CDH3: variants seen among roughly 807,000 people sequenced by gnomAD.
CDH3 encodes cadherin 3, also known as cadherin-3.
A neutral mutation model predicts 82.0 loss-of-function variants in CDH3; 54 were observed. The observed-to-expected ratio is 0.66, with a 90% CI of 0.53 to 0.83. The LOEUF (loss-of-function observed/expected upper bound fraction) is 0.83, where lower values mean the gene tolerates loss of function less well. Among genes scored for constraint, CDH3 ranks in the 40% least tolerant of loss-of-function variants. CDH3 has a pLI of 0.00. For missense variants in CDH3, 1,054 were observed against 1,084.6 expected (o/e 0.97, Z 0.40); for synonymous variants, 446 against 437.9 (o/e 1.02, Z -0.23).
chr16:68,699,704 C>A lies in CDH3; in HGVS notation c.*1304C>A, dbSNP rs11644746. 0.49 allele frequency: 74,964 copies of A among 151,770 alleles called. 19,790 individuals carry two copies. The highest frequency in any genetic ancestry group is 0.59 in the Non-Finnish European group (40,366 of 67,940). 9.4% of individuals were successfully genotyped at this position (151,770 alleles called of 1,614,324 possible). A position where few individuals can be genotyped will look rare whatever the true frequency, so the allele number is the denominator to read the frequency against. On this transcript the variant is annotated 3_prime_UTR_variant, in exon 16 of 16. Coordinates refer to ENST00000264012, the MANE Select transcript of CDH3 (RefSeq NM_001793.6). The stretch of plus-strand genomic sequence containing the variant: ...TAGAGACGGGGTTTCACTGTGTTAG[C>A]CAGGATGTCTCGATCTCCTGACCTC...
chr16:68,711,093 C>T (rs1457969457), intron 1 of CDH3, among the ~76,000 whole-genome samples: 1 of 151,192 alleles, frequency 6.6e-6, no homozygotes, highest in African/African-American at 2.4e-5. Flanking sequence ...GACGGATCCA[C>T]TGAGGTCGGG....
At chr16:68,660,218 C>T (rs1303741655) in intron 2 of CDH3, among the ~76,000 whole-genome samples, 4 of 152,178 alleles carry the variant, frequency 2.6e-5, no homozygotes, top group South Asian at 2.1e-4. Flanking sequence ...ACCTTTAATA[C>T]AGACTCTGCT....
At position 68,695,807 on chromosome 16, in the gene CDH3, C is replaced by T. The variant is rs144045408; in HGVS notation, c.2164C>T (p.Leu722=). 8 of 1,614,042 alleles carry T rather than the reference C, an allele frequency of 5.0e-6. No homozygotes were observed. The highest frequency in any genetic ancestry group is 3.3e-5 in the Admixed American group (2 of 59,994). ...TGACATCACCCAGCTCCACCGAGGTCTGGAGGCCAGGCCGGAGGTGGTTCT... is the reference window on the plus strand; with the variant it reads ...TGACATCACCCAGCTCCACCGAGGTTTGGAGGCCAGGCCGGAGGTGGTTCT... The part of the protein sequence containing the change: ...DYDITQLHRG[L]EARPEVVLRN... The change falls in exon 15 of 16, where the codon CTG becomes TTG. Residue 722 remains leucine (L), a synonymous_variant. Transcript: ENST00000264012.
At position 68,678,904 on chromosome 16, in the gene CDH3, C is replaced by A; in HGVS notation, c.689C>A (p.Pro230Gln). The A allele has an allele frequency of 1.9e-6, 3 of 1,613,494 alleles. No individual in the cohort carries two copies. Among genetic ancestry groups the A allele is most frequent in the Non-Finnish European group, 2.5e-6 (3 of 1,179,898 alleles). Reference protein sequence around the residue: ...FRGSVLEGVLPGTSVMQVTAT... With the variant: ...FRGSVLEGVLQGTSVMQVTAT... Reference sequence around the variant, plus strand: ...GGGAGTGTCTTAGAGGGAGTCCTACCAGGTAAGAGGACTGGGAAGGGGACT... The same window carrying A: ...GGGAGTGTCTTAGAGGGAGTCCTACAAGGTAAGAGGACTGGGAAGGGGACT... The change falls in exon 6 of 16, where the codon CCA (proline) becomes CAA (glutamine). Residue 230 changes from proline to glutamine, a missense_variant and splice_region_variant. Pro to Gln is a moderately conservative substitution (Grantham distance 76). Coordinates refer to ENST00000264012, the MANE Select transcript of CDH3 (RefSeq NM_001793.6).
intron 1 of CDH3, among the ~76,000 whole-genome samples, chr16:68,705,431 T>G (rs1265611023): frequency 6.6e-6 from 1 of 152,076 alleles, no homozygotes; most frequent in African/African-American, 2.4e-5. Flanking sequence ...GACACTGGTT[T>G]TTTTTTGGAG....
intron 8 of CDH3, among the ~76,000 whole-genome samples, chr16:68,682,045 G>C (rs955593711): frequency 1.3e-5 from 2 of 152,124 alleles, no homozygotes; most frequent in African/African-American, 2.4e-5. Flanking sequence ...ATGCAAACCC[G>C]TGAGATTTCT....
In CDH3 at chr16:68,660,876, G is replaced by A. The variant is rs569600819; in HGVS notation, c.160+15126G>A. Among the ~76,000 whole-genome samples, 269 of 151,734 alleles carry A rather than the reference G, an allele frequency of 1.8e-3. 1 individual carries two copies. The highest frequency in any genetic ancestry group is 6.2e-3 in the African/African-American group (255 of 41,376). ...TGGGAGGCTGAGGCAGGAGAATGGC[G>A]TGAACCCGGGAGGCAGAGCTTGCAG... On this transcript the variant is annotated intron_variant, in intron 2 of 15. Coordinates refer to ENST00000264012, the MANE Select transcript of CDH3 (RefSeq NM_001793.6).
At chr16:68,679,738 C>T (rs1403629440) in intron 6 of CDH3, 61 bp from the exon 7 acceptor site, 5 of 943,562 alleles carry the variant, frequency 5.3e-6, no homozygotes, top group Non-Finnish European at 8.5e-6. Flanking sequence ...AAAAGAGTTC[C>T]AGAAGTAGAC....
At chr16:68,651,183 G>A (rs545975890) in intron 2 of CDH3, 95 of 494,406 alleles carry the variant, frequency 1.9e-4, no homozygotes, top group Non-Finnish European at 3.1e-4. Flanking sequence ...AGACCTGGCT[G>A]CTCTGGTTAG....
At chr16:68,692,629 G>T (rs1357533597) in intron 13 of CDH3, among the ~76,000 whole-genome samples, 1 of 152,162 alleles carries the variant, frequency 6.6e-6, no homozygotes, top group Admixed American at 6.5e-5. Flanking sequence ...AGCTCCCAAG[G>T]CATTCTGATA....
intron 2 of CDH3, among the ~76,000 whole-genome samples, chr16:68,648,799 A>G (rs1238091988): frequency 6.6e-6 from 1 of 151,702 alleles, no homozygotes. Context: ...AGAGGGTAGA[A>G]TGTTGGATCC....
chr16:68,720,521 T>C (rs894767182), intron 1 of CDH3, among the ~76,000 whole-genome samples: 3 of 152,122 alleles, frequency 2.0e-5, no homozygotes, highest in African/African-American at 7.2e-5. Context: ...CAGACATCTA[T>C]TGAGCACTGA....
chr16:68,725,127 G>A (rs1962205288), intron 2 of CDH3, among the ~76,000 whole-genome samples: 2 of 152,122 alleles, frequency 1.3e-5, no homozygotes, highest in South Asian at 4.1e-4. Context: ...TATCTGAGCA[G>A]TGGGAGGACA....
At chr16:68,713,716 C>A (rs1962060488) in intron 1 of CDH3, among the ~76,000 whole-genome samples, 1 of 152,068 alleles carries the variant, frequency 6.6e-6, no homozygotes, top group African/African-American at 2.4e-5. Flanking sequence ...CCTTCAAATC[C>A]CAGCCTAGGT....
At chr16:68,671,132 G>A (rs991518231) in intron 2 of CDH3, among the ~76,000 whole-genome samples, 5 of 151,490 alleles carry the variant, frequency 3.3e-5, no homozygotes, top group Non-Finnish European at 5.9e-5. Flanking sequence ...AATTTAGAAG[G>A]GGAGGGATTT....
intron 2 of CDH3, among the ~76,000 whole-genome samples, chr16:68,675,192 T>G (rs1191955297): frequency 6.6e-6 from 1 of 152,102 alleles, no homozygotes; most frequent in Non-Finnish European, 1.5e-5. Flanking sequence ...GAAAGGTATT[T>G]TTAAACCAAA....
intron 2 of CDH3, among the ~76,000 whole-genome samples, chr16:68,726,252 C>T (rs1962217886): frequency 6.6e-6 from 1 of 152,060 alleles, no homozygotes; most frequent in Non-Finnish European, 1.5e-5. Context: ...GCTCTATAGG[C>T]TGGCCAGAGG....
downstream of CDH3, among the ~76,000 whole-genome samples, chr16:68,729,479 A>T (rs1160024380): frequency 6.6e-6 from 1 of 152,214 alleles, no homozygotes; most frequent in Non-Finnish European, 1.5e-5. Flanking sequence ...ACAAATACCA[A>T]AACTCATCAA....
At chr16:68,722,746 C>G (rs1962178256) in intron 2 of CDH3, 1 of 152,214 alleles carries the variant, frequency 6.6e-6, no homozygotes, top group Non-Finnish European at 1.5e-5. Flanking sequence ...GTTGGGTCAT[C>G]TTTGTGGACA....
Sources: gnomAD v4.1 joint callset for allele counts (sites outside exome capture counted in the v4.1 genomes callset) on GRCh38, gnomAD v4.1.1 for gene constraint, MANE v1.5 for transcripts, NCBI Gene and HGNC (gene_info 2026-07-23, HGNC 2026-07-21) for gene names.